Variants in WHAMM observed in about 807,000 individuals in gnomAD.
The protein encoded by WHAMM is WASP homolog associated with actin, golgi membranes and microtubules, also known as WASP homolog-associated protein with actin, membranes and microtubules.
In WHAMM, 67 loss-of-function variants were observed where a neutral mutation model predicts 76.5. The observed-to-expected ratio is 0.88, with a 90% CI of 0.72 to 1.07. The LOEUF is 1.07. Among genes scored for constraint, WHAMM ranks in the 50% least tolerant of loss-of-function variants. The pLI, the probability that WHAMM is intolerant of heterozygous loss-of-function variation, is 0.00. For missense variants in WHAMM, 1,021 were observed against 1,051.1 expected (o/e 0.97, Z 0.40); for synonymous variants, 419 against 422.1 (o/e 0.99, Z 0.09).
intron 3 of WHAMM, among the ~76,000 whole-genome samples, chr15:82,817,187 A>G (rs2050740670): frequency 6.6e-6 from 1 of 152,246 alleles, no homozygotes; most frequent in South Asian, 2.1e-4. Flanking sequence ...ATGGAAGTTG[A>G]GAGAAAATAA....
At chr15:82,811,327 C>G (rs2151555092) in intron 1 of WHAMM, among the ~76,000 whole-genome samples, 1 of 152,186 alleles carries the variant, frequency 6.6e-6, no homozygotes, top group African/African-American at 2.4e-5. Context: ...ATCGTCTTCA[C>G]CTTAGGATAT....
At position 82,833,517 on chromosome 15, in the gene WHAMM, C is replaced by G; in HGVS notation, c.2411C>G (p.Pro804Arg). 6.2e-7 allele frequency: 1 copy of G among 1,613,550 alleles called. No homozygotes were observed. Among genetic ancestry groups the G allele is most frequent in the Non-Finnish European group, 8.5e-7 (1 of 1,179,694 alleles). Residue 804 changes from proline (P) to arginine (R), a missense_variant, in exon 10 of 10, where the codon CCT becomes CGT. By Grantham distance (103) the Pro-to-Arg change is moderately radical (BLOSUM62 -2). Around this residue, in one of 3 missense-constraint regions of WHAMM, gnomAD observed 509 missense variants for 492.3 expected, o/e 1.03. Transcript: ENST00000286760. The stretch of plus-strand genomic sequence containing the variant: ...GAGGAGGACAGTGATGAGCAGGACC[C>G]TGGCCAGTGGGATGGTTAGGCTCAA... ...DSEEDSDEQDPGQWDG is the reference protein window; with the variant it reads ...DSEEDSDEQDRGQWDG
intron 9 of WHAMM, among the ~76,000 whole-genome samples, chr15:82,832,970 T>C (rs11259952): frequency 0.49 from 74,393 of 152,006 alleles, 18,391 homozygotes; most frequent in East Asian, 0.56. Context: ...AAAGTGCATG[T>C]CTGTTCCTGT....
intron 9 of WHAMM, 40 bp from the exon 10 acceptor site, chr15:82,833,188 GT>G: frequency 6.3e-7 from 1 of 1,578,340 alleles, no homozygotes; most frequent in South Asian, 1.1e-5. Context: ...GGAAGGGAAA[GT>G]GTTTTATTGA....
intron 3 of WHAMM, 38 bp from the exon 4 acceptor site, chr15:82,817,882 A>T (rs1410180158): frequency 2.1e-6 from 3 of 1,423,842 alleles, no homozygotes; most frequent in Non-Finnish European, 2.8e-6. Flanking sequence ...TCCCTTTTTA[A>T]TGAGGTGTAA....
rs1156626966 is a variant in WHAMM, at chr15:82,809,824, C to T, written c.98C>T (p.Ala33Val). 2 of 1,604,576 alleles carry T rather than the reference C, an allele frequency of 1.2e-6. No homozygotes were observed. Among genetic ancestry groups the T allele is most frequent in the Non-Finnish European group, 1.7e-6 (2 of 1,176,496 alleles). ...PERHRLRFLV[A>V]WNGAEGKFAV... ...AGGCACCGGCTGCGCTTCCTGGTGG[C>T]CTGGAACGGCGCGGAGGGCAAGTTC... Residue 33 changes from alanine to valine, a missense_variant, in exon 1 of 10, where the codon GCC becomes GTC. Ala to Val is a moderately conservative substitution (Grantham distance 64). Around this residue, in one of 3 missense-constraint regions of WHAMM, gnomAD observed 501 missense variants for 524.9 expected, o/e 0.95. Transcript: ENST00000286760.
intron 9 of WHAMM, among the ~76,000 whole-genome samples, chr15:82,831,735 G>A (rs1456560789): frequency 6.6e-6 from 1 of 152,194 alleles, no homozygotes; most frequent in Non-Finnish European, 1.5e-5. Context: ...TAGACATTAA[G>A]TGTTGAGGAG....
At chr15:82,830,531 T>C (rs1466311278) in intron 8 of WHAMM, 68 bp from the exon 9 acceptor site, 5 of 1,555,468 alleles carry the variant, frequency 3.2e-6, no homozygotes, top group Non-Finnish European at 4.3e-6. Flanking sequence ...TATAGATTTC[T>C]AGAAAGTTTC....
Position 82,810,272 on chromosome 15 carries a change from G to A in WHAMM, c.546G>A (p.Pro182=). The A allele has an allele frequency of 7.3e-7, 1 of 1,376,906 alleles. No homozygotes were observed. The allele number at this position is 1,376,906 out of a possible 1,614,324, so 85.3% of individuals were successfully genotyped here. A position where few individuals can be genotyped will look rare whatever the true frequency, so the allele number is the denominator to read the frequency against. The change falls in exon 1 of 10, where the codon CCG becomes CCA. Residue 182 remains proline (P), a synonymous_variant. Coordinates refer to ENST00000286760, the MANE Select transcript of WHAMM (RefSeq NM_001080435.3). The part of the protein sequence containing the change: ...AEGGAADCES[P]REFRERALRA... ...GCGGCGCGGCCGACTGCGAAAGCCCGCGCGAGTTCCGGGAGCGGGCCTTGC... is the reference window on the plus strand; with the variant it reads ...GCGGCGCGGCCGACTGCGAAAGCCCACGCGAGTTCCGGGAGCGGGCCTTGC...
Position 82,833,302 on chromosome 15 carries a change from G to T in WHAMM, c.2196G>T (p.Val732=). ...APLRKVEVPA[V]RPPHASINEH... ...TCCGGAAGGTGGAAGTGCCGGCGGT[G>T]CGCCCTCCCCACGCCTCAATCAATG... The change falls in exon 10 of 10, where the codon GTG becomes GTT. Residue 732 remains valine, a synonymous_variant. Coordinates refer to ENST00000286760, the MANE Select transcript of WHAMM (RefSeq NM_001080435.3). 1 of 1,614,038 alleles carries T rather than the reference G, an allele frequency of 6.2e-7. No homozygotes were observed. Among genetic ancestry groups the T allele is most frequent in the Non-Finnish European group, 8.5e-7 (1 of 1,179,894 alleles).
At chr15:82,820,763 TA>T (rs2050806415) in intron 5 of WHAMM, among the ~76,000 whole-genome samples, 3 of 151,900 alleles carry the variant, frequency 2.0e-5, no homozygotes, top group Non-Finnish European at 4.4e-5. Context: ...GGCATGATGG[TA>T]GGCGCCTGTA....
intron 2 of WHAMM, among the ~76,000 whole-genome samples, chr15:82,815,101 C>T (rs1397303213): frequency 8.7e-6 from 1 of 115,140 alleles, no homozygotes; most frequent in East Asian, 2.7e-4. Context: ...TAAGATATCA[C>T]TCACAGATTT....
intron 8 of WHAMM, among the ~76,000 whole-genome samples, chr15:82,827,875 G>A (rs2050962428): frequency 6.6e-6 from 1 of 152,124 alleles, no homozygotes; most frequent in South Asian, 2.1e-4. Flanking sequence ...AGCCTGGGAG[G>A]CAGAGGTTGC....
intron 3 of WHAMM, among the ~76,000 whole-genome samples, 157 bp from the exon 4 acceptor site, chr15:82,817,763 C>T (rs1467959560): frequency 6.6e-6 from 1 of 152,040 alleles, no homozygotes; most frequent in Admixed American, 6.5e-5. Context: ...TATCAATGAA[C>T]ATGTATTATT....
rs2050606960 is a variant in WHAMM at position 82,810,352 on chromosome 15, C to T, written c.609+17C>T. On this transcript the variant is annotated intron_variant, in intron 1 of 9. Coordinates refer to ENST00000286760, the MANE Select transcript of WHAMM (RefSeq NM_001080435.3). ...CTGCGCCAGGTAAGCGAGGCCCGGT[C>T]GCCGGCGTTCGTCCGCGCTTCCATG... 1.5e-6 allele frequency: 2 copies of T among 1,301,818 alleles called. No homozygotes were observed. The highest frequency in any genetic ancestry group is 3.2e-5 in the East Asian group (1 of 31,454). 80.6% of individuals were successfully genotyped at this position (1,301,818 alleles called of 1,614,324 possible). A position where few individuals can be genotyped will look rare whatever the true frequency, so the allele number is the denominator to read the frequency against.
Position 82,817,821 on chromosome 15 carries a change from CTGCAGGTAGTA to C in WHAMM, c.935-96_935-86del, listed in dbSNP as rs1394434931. 23 of 933,150 alleles carry C rather than the reference CTGCAGGTAGTA, an allele frequency of 2.5e-5. No individual in the cohort carries two copies. The South Asian group carries it at 6.4e-4, about 26-fold the overall frequency. The allele number at this position is 933,150 out of a possible 1,614,324, so 57.8% of individuals were successfully genotyped here. A position where few individuals can be genotyped will look rare whatever the true frequency, so the allele number is the denominator to read the frequency against. The stretch of plus-strand genomic sequence containing the variant: ...TAAAATTTCTTTTAAAAAGGATATT[CTGCAGGTAGTA>C]TGGAGGCAATAAAAAAAGGATTAGC... On this transcript the variant is annotated intron_variant, in intron 3 of 9. Coordinates refer to ENST00000286760, the MANE Select transcript of WHAMM (RefSeq NM_001080435.3).
intron 1 of WHAMM, 35 bp downstream of exon 1, chr15:82,810,370 C>T (rs2050607352): frequency 2.3e-6 from 3 of 1,291,222 alleles, no homozygotes; most frequent in Admixed American, 7.9e-5. Flanking sequence ...TTCGTCCGCG[C>T]TTCCATGGCC....
At chr15:82,816,257 C>G (rs748552219) in intron 2 of WHAMM, among the ~76,000 whole-genome samples, 18 of 152,260 alleles carry the variant, frequency 1.2e-4, no homozygotes, top group Non-Finnish European at 2.4e-4. Context: ...CATGAATATA[C>G]AGATACTATA....
rs748915460 is a variant in WHAMM, at chr15:82,834,557, A to C, written c.*1021A>C. 1.8e-4 allele frequency: 28 copies of C among 152,642 alleles called. No individual in the cohort carries two copies. Among genetic ancestry groups the C allele is most frequent in the Non-Finnish European group, 3.2e-4 (22 of 68,030 alleles). The allele number at this position is 152,642 out of a possible 1,614,324, so 9.5% of individuals were successfully genotyped here. On this transcript the variant is annotated 3_prime_UTR_variant, in exon 10 of 10. Transcript: ENST00000286760. The stretch of plus-strand genomic sequence containing the variant: ...GGTAAGCAGTACTATTAGACTACTG[A>C]CTGTGGCCTTCTGTGCATATGGAAT...
Sources: allele counts gnomAD v4.1 joint callset (sites outside exome capture counted in the v4.1 genomes callset), GRCh38; gene constraint gnomAD v4.1.1; regional missense constraint gnomAD v4.1.1; transcripts MANE v1.5; gene names NCBI Gene and HGNC (gene_info 2026-07-23, HGNC 2026-07-21).